BCAP31: variants seen among roughly 807,000 people sequenced by gnomAD.
BCAP31 encodes the protein B-cell receptor-associated protein 31.
For missense variants in BCAP31, 124 were observed against 193.0 expected (o/e 0.64, Z 2.12); for synonymous variants, 75 against 80.9 (o/e 0.93, Z 0.39).
At chrX:153,706,157 C>T (rs1189053296) in intron 4 of BCAP31, among the ~76,000 whole-genome samples, 1 of 111,345 alleles carries the variant, frequency 9.0e-6, no homozygotes, top group Non-Finnish European at 1.9e-5. Context: ...GCCCCGGTTC[C>T]CCTTCCTCTT....
At chrX:153,711,658 C>A (rs2091592128) in intron 4 of BCAP31, among the ~76,000 whole-genome samples, 1 of 111,721 alleles carries the variant, frequency 9.0e-6, no homozygotes, top group Non-Finnish European at 1.9e-5. Flanking sequence ...ATTCCCAGCA[C>A]TTTGGGAGGC....
rs144161972 is a variant in BCAP31 at position 153,723,443 on chromosome X, T to G, written c.-44-155A>C. The G allele has an allele frequency of 0.048, 54,971 of 1,134,527 alleles. 1,089 individuals are homozygous for G. Among genetic ancestry groups the G allele is most frequent in the Non-Finnish European group, 0.058 (49,228 of 853,068 alleles). The allele number at this position is 1,134,527 out of a possible 1,213,427, so 93.5% of individuals were successfully genotyped here. A position where few individuals can be genotyped will look rare whatever the true frequency, so the allele number is the denominator to read the frequency against. Reference sequence around the variant, plus strand: ...TGCGCTGGCGGAAGCAGGGCTCCACTCGGCAGGGCCTCTTGGCCAGCAGCG... The same window carrying G: ...TGCGCTGGCGGAAGCAGGGCTCCACGCGGCAGGGCCTCTTGGCCAGCAGCG... On this transcript the variant is annotated intron_variant, in intron 1 of 7. Transcript: ENST00000345046.
In BCAP31 at chrX:153,715,568, A is replaced by G; in HGVS notation, c.315T>C (p.Ile105=). 8.3e-7 allele frequency: 1 copy of G among 1,211,493 alleles called. No homozygotes were observed. Among genetic ancestry groups the G allele is most frequent in the Non-Finnish European group, 1.1e-6 (1 of 895,370 alleles). The change falls in exon 4 of 8, where the codon ATT becomes ATC. Residue 105 remains isoleucine (I), a synonymous_variant. Coordinates refer to ENST00000345046, the MANE Select transcript of BCAP31 (RefSeq NM_001256447.2). ...AGGACAGCAGCAAGGAAAAGCCAGCAATGTAGAGATTCCTCTGGGCACGGA... is the reference window on the plus strand; with the variant it reads ...AGGACAGCAGCAAGGAAAAGCCAGCGATGTAGAGATTCCTCTGGGCACGGA... ...KLFRAQRNLY[I]AGFSLLLSFL...
intron 4 of BCAP31, 126 bp downstream of exon 4, chrX:153,715,415 TG>T: frequency 1.0e-6 from 1 of 1,003,507 alleles, no homozygotes; most frequent in South Asian, 2.2e-5. Flanking sequence ...GACAGGGCTT[TG>T]GGATCCAGGC....
At chrX:153,702,138 G>A (rs200636009) in intron 6 of BCAP31, 31 bp from the exon 7 acceptor site, 339 of 1,147,686 alleles carry the variant, frequency 3.0e-4, no homozygotes, top group Non-Finnish European at 2.1e-4. Flanking sequence ...CAAGAAAACA[G>A]AAACGAAAAG....
intron 3 of BCAP31, among the ~76,000 whole-genome samples, chrX:153,718,918 C>T (rs1742225709): frequency 9.0e-6 from 1 of 111,616 alleles, no homozygotes; most frequent in African/African-American, 3.3e-5. Flanking sequence ...CACCCCCAAG[C>T]AAGGCCACAG....
At chrX:153,716,579 A>C (rs1219633439) in intron 3 of BCAP31, among the ~76,000 whole-genome samples, 2 of 71,340 alleles carry the variant, frequency 2.8e-5, no homozygotes, top group South Asian at 5.6e-4. Context: ...CTCTCTCAAC[A>C]AAAAAAAAAA....
intron 4 of BCAP31, among the ~76,000 whole-genome samples, chrX:153,714,166 C>T (rs782243334): frequency 2.7e-5 from 3 of 109,384 alleles, no homozygotes; most frequent in South Asian, 4.0e-4. Flanking sequence ...CCTAAGTCAC[C>T]GCACCCAGCC....
intron 4 of BCAP31, among the ~76,000 whole-genome samples, chrX:153,708,433 G>A (rs1204396989): frequency 2.7e-5 from 3 of 112,356 alleles, no homozygotes; most frequent in Non-Finnish European, 5.6e-5. Context: ...CCCCCGGCCC[G>A]CCCTGCTGAC....
At chrX:153,715,950 G>A (rs2091624221) in intron 3 of BCAP31, among the ~76,000 whole-genome samples, 1 of 108,869 alleles carries the variant, frequency 9.2e-6, no homozygotes, top group Non-Finnish European at 1.9e-5. Flanking sequence ...CTGAGGTCAG[G>A]AGTTCGAGAC....
At position 153,704,094 on chromosome X, in the gene BCAP31, G is replaced by T; in HGVS notation, c.342C>A (p.Phe114Leu). 8.3e-7 allele frequency: 1 copy of T among 1,205,434 alleles called. No homozygotes were observed. The highest frequency in any genetic ancestry group is 1.1e-6 in the Non-Finnish European group (1 of 891,914). Residue 114 changes from phenylalanine to leucine, a missense_variant and splice_region_variant, in exon 5 of 8, where the codon TTC (phenylalanine) becomes TTA (leucine). Phe to Leu is a conservative substitution (Grantham distance 22). Transcript: ENST00000345046. ...TGAGAGTCACCAGGCGTCTAAGCAG[G>T]CTGCAATTATTTACAAAAAGAAGGG... Reference protein sequence around the residue: ...YIAGFSLLLSFLLRRLVTLIS... With the variant: ...YIAGFSLLLSLLLRRLVTLIS...
intron 6 of BCAP31, chrX:153,702,501 G>GA (rs2091525383): frequency 5.6e-6 from 1 of 179,219 alleles, no homozygotes; most frequent in Admixed American, 7.2e-5. Context: ...GGTATTGGGG[G>GA]AAAACGCCCC....
chrX:153,704,007 A>G lies in BCAP31; in HGVS notation c.429T>C (p.Ala143=), dbSNP rs782531748. 2 of 1,211,680 alleles carry G rather than the reference A, an allele frequency of 1.7e-6. No homozygotes were observed. The highest frequency in any genetic ancestry group is 2.3e-4 in the Middle Eastern group (1 of 4,351). The change falls in exon 5 of 8, where the codon GCT becomes GCC. Residue 143 remains alanine (A), a synonymous_variant. Transcript: ENST00000345046. ...CCATGTACTTCTTGGCCGCCTCACT[A>G]GCACTCTCCGCCTGCTTTTTAAAGG... The part of the protein sequence containing the change: ...NEAFKKQAES[A]SEAAKKYMEE...
intron 4 of BCAP31, among the ~76,000 whole-genome samples, chrX:153,708,492 T>C (rs1160203891): frequency 1.3e-4 from 15 of 112,586 alleles, no homozygotes; most frequent in African/African-American, 4.5e-4. Context: ...TGCATACACA[T>C]GGTGTTCACA....
chrX:153,711,532 GGCCATGAGTACCTGCTCGC>G (rs1212212950), intron 4 of BCAP31, among the ~76,000 whole-genome samples: 5 of 111,983 alleles, frequency 4.5e-5, no homozygotes, highest in Non-Finnish European at 5.6e-5. Flanking sequence ...AACCTGCTCG[GGCCATGAGTACCTGCTCGC>G]GCCATGAGTA....
intron 7 of BCAP31, among the ~76,000 whole-genome samples, chrX:153,701,723 G>GC (rs2091519402): frequency 8.8e-6 from 1 of 113,113 alleles, no homozygotes; most frequent in Non-Finnish European, 1.9e-5. Flanking sequence ...TCTTGACCAG[G>GC]CCCCAAACCA....
chrX:153,704,023 T>C lies in BCAP31; in HGVS notation c.413A>G (p.Lys138Arg). 5.0e-6 allele frequency: 6 copies of C among 1,211,855 alleles called. No homozygotes were observed. Among genetic ancestry groups the C allele is most frequent in the Non-Finnish European group, 6.7e-6 (6 of 895,353 alleles). The change falls in exon 5 of 8, where the codon AAG becomes AGG. Residue 138 changes from lysine to arginine, a missense_variant. By Grantham distance (26) the Lys-to-Arg change is conservative. Transcript: ENST00000345046. ...TLLASNEAFK[K>R]QAESASEAAK... is the part of the protein sequence containing the mutation. Reference sequence around the variant, plus strand: ...CGCCTCACTAGCACTCTCCGCCTGCTTTTTAAAGGCTTCATTGGAGGCCAG... The same window carrying C: ...CGCCTCACTAGCACTCTCCGCCTGCCTTTTAAAGGCTTCATTGGAGGCCAG...
intron 4 of BCAP31, among the ~76,000 whole-genome samples, chrX:153,707,017 C>A (rs1557048401): frequency 9.0e-6 from 1 of 111,622 alleles, no homozygotes; most frequent in Non-Finnish European, 1.9e-5. Context: ...AACCACGTGG[C>A]CCCCTGCTCT....
rs1557051562 is a variant in BCAP31 at position 153,723,564 on chromosome X, T to C, written c.-44-276A>G. On this transcript the variant is annotated intron_variant, in intron 1 of 7. Transcript: ENST00000345046. Reference sequence around the variant, plus strand: ...CAGAGCGGCCTCTCCCGACGATCCCTGCCCCAGGAAGCCCGAGATTTCCGA... The same window carrying C: ...CAGAGCGGCCTCTCCCGACGATCCCCGCCCCAGGAAGCCCGAGATTTCCGA... 1.7e-6 allele frequency: 2 copies of C among 1,168,223 alleles called. No individual in the cohort carries two copies. The highest frequency in any genetic ancestry group is 3.2e-5 in the East Asian group (1 of 30,771).
Sources: allele counts gnomAD v4.1 joint callset (sites outside exome capture counted in the v4.1 genomes callset), GRCh38; gene constraint gnomAD v4.1.1; transcripts MANE v1.5; gene names NCBI Gene and HGNC (gene_info 2026-07-23, HGNC 2026-07-21).